Variants in CYTH1 observed in about 807,000 individuals in gnomAD.
CYTH1 encodes cytohesin 1, also known as cytohesin-1.
CYTH1 carries 18 observed loss-of-function variants against 61.8 expected under a neutral mutation model. That is an observed-to-expected ratio of 0.29 (90% CI 0.20 to 0.43). The LOEUF (loss-of-function observed/expected upper bound fraction) is 0.43, where lower values mean the gene tolerates loss of function less well. CYTH1 is among the 20% of genes least tolerant of loss of function. The pLI is 1.00. For synonymous variants in CYTH1, 174 were observed against 184.3 expected (o/e 0.94, Z 0.45); for missense variants, 336 against 510.5 (o/e 0.66, Z 3.29).
Position 78,677,172 on chromosome 17 carries a change from C to A in CYTH1, c.1119-1003G>T, listed in dbSNP as rs1318810472. On this transcript the variant is annotated intron_variant, in intron 13 of 13. Transcript: ENST00000446868. ...ATCTCACTGGGAAGCGGTCTGACCA[C>A]CTGAAGTGCTTTCACGAGGGAATCT... 3 of 423,926 alleles carry A rather than the reference C, an allele frequency of 7.1e-6. No individual in the cohort carries two copies. The Admixed American group carries it at 7.9e-5, about 11-fold the overall frequency. The allele number at this position is 423,926 out of a possible 1,614,324, so 26.3% of individuals were successfully genotyped here.
At chr17:78,720,099 G>C (rs1054677420) in intron 1 of CYTH1, among the ~76,000 whole-genome samples, 1 of 152,070 alleles carries the variant, frequency 6.6e-6, no homozygotes, top group Non-Finnish European at 1.5e-5. Context: ...CTGGGGAGAG[G>C]GGGAGTGGGA....
At chr17:78,772,643 T>C (rs2093476077) in intron 1 of CYTH1, among the ~76,000 whole-genome samples, 1 of 151,556 alleles carries the variant, frequency 6.6e-6, no homozygotes, top group Non-Finnish European at 1.5e-5. Context: ...GTTCAAGCAA[T>C]TCTCCTGCCT....
intron 1 of CYTH1, among the ~76,000 whole-genome samples, chr17:78,738,730 C>G (rs1485707265): frequency 6.6e-6 from 1 of 152,156 alleles, no homozygotes; most frequent in Non-Finnish European, 1.5e-5. Context: ...CCAGCCTGCA[C>G]CATTTCAAAA....
Position 78,708,238 on chromosome 17 carries a change from T to C in CYTH1, c.129A>G (p.Glu43=). 1 of 1,613,556 alleles carries C rather than the reference T, an allele frequency of 6.2e-7. No homozygotes were observed. The highest frequency in any genetic ancestry group is 8.5e-7 in the Non-Finnish European group (1 of 1,179,890). ...CCAGGTTTTCAATTTCATTAGCTAC[T>C]TCTGCTATCTCATCCTTCAGCCTCT... The part of the protein sequence containing the change: ...DIQRLKDEIA[E]VANEIENLGS... The change falls in exon 3 of 14, where the codon GAA becomes GAG. Residue 43 remains glutamate (E), a synonymous_variant. Transcript: ENST00000446868.
At chr17:78,679,175 C>T (rs993471587) in intron 13 of CYTH1, among the ~76,000 whole-genome samples, 4 of 152,202 alleles carry the variant, frequency 2.6e-5, no homozygotes, top group Admixed American at 1.3e-4. Context: ...GGAGAAAGCC[C>T]GTCACACAGT....
At chr17:78,682,234 T>G (rs1227448246) in intron 11 of CYTH1, among the ~76,000 whole-genome samples, 1 of 152,162 alleles carries the variant, frequency 6.6e-6, no homozygotes, top group East Asian at 1.9e-4. Context: ...GAACCAAAAT[T>G]ATGGAGGGTG....
At position 78,782,186 on chromosome 17, in the gene CYTH1, G is replaced by T. The variant is rs369997350; in HGVS notation, c.22+16C>A. On this transcript the variant is annotated intron_variant, in intron 1 of 13. Transcript: ENST00000446868. ...GGACAGCGAGGGGGAAGCGTCCGCC[G>T]CCGGGGCGCACTGACCGTAGCTGTC... 9.5e-6 allele frequency: 13 copies of T among 1,362,522 alleles called. No homozygotes were observed. The African/African-American group carries it at 1.8e-4, about 19-fold the overall frequency. The allele number at this position is 1,362,522 out of a possible 1,614,324, so 84.4% of individuals were successfully genotyped here. A position where few individuals can be genotyped will look rare whatever the true frequency, so the allele number is the denominator to read the frequency against.
At chr17:78,684,513 T>A (rs945846956) in intron 11 of CYTH1, among the ~76,000 whole-genome samples, 6 of 152,242 alleles carry the variant, frequency 3.9e-5, no homozygotes, top group Non-Finnish European at 7.3e-5. Context: ...GGCCAACGTC[T>A]TTGGCTTTTT....
intron 11 of CYTH1, among the ~76,000 whole-genome samples, chr17:78,689,123 G>A (rs1460745326): frequency 6.6e-6 from 1 of 152,162 alleles, no homozygotes; most frequent in African/African-American, 2.4e-5. Flanking sequence ...TGCACGGACT[G>A]AAATAAGTGT....
chr17:78,779,143 G>A (rs1478694701), intron 1 of CYTH1, among the ~76,000 whole-genome samples: 1 of 152,188 alleles, frequency 6.6e-6, no homozygotes, highest in African/African-American at 2.4e-5. Context: ...GTTCATGCCT[G>A]TAATCCCAGC....
intron 11 of CYTH1, 90 bp from the exon 12 acceptor site, chr17:78,681,132 C>T: frequency 5.4e-6 from 7 of 1,294,710 alleles, no homozygotes; most frequent in Non-Finnish European, 7.7e-6. Flanking sequence ...CCGAACTTTC[C>T]TGCTTTCTCC....
At chr17:78,737,974 A>G (rs1027370534) in intron 1 of CYTH1, among the ~76,000 whole-genome samples, 2 of 152,048 alleles carry the variant, frequency 1.3e-5, no homozygotes, top group Admixed American at 6.6e-5. Context: ...ATGGACATCT[A>G]TCACATTTAT....
chr17:78,764,036 G>A (rs941981685), intron 1 of CYTH1, among the ~76,000 whole-genome samples: 2 of 151,730 alleles, frequency 1.3e-5, no homozygotes, highest in African/African-American at 2.4e-5. Context: ...GCTTGAACCC[G>A]GGAGGCAGAG....
chr17:78,680,396 G>A (rs371372394), intron 12 of CYTH1, 52 bp from the exon 13 acceptor site: 93 of 1,546,170 alleles, frequency 6.0e-5, no homozygotes, highest in Non-Finnish European at 7.4e-5. Flanking sequence ...GCTGTTAACT[G>A]AGAAACATGC....
intron 11 of CYTH1, among the ~76,000 whole-genome samples, chr17:78,688,060 A>C (rs2092835050): frequency 6.6e-6 from 1 of 152,174 alleles, no homozygotes; most frequent in Non-Finnish European, 1.5e-5. Context: ...ATCCTGCATA[A>C]ATGTTGTTAA....
chr17:78,675,539 C>T lies in CYTH1; in HGVS notation c.*552G>A, dbSNP rs1223388370. Reference sequence around the variant, plus strand: ...CCCTGCCGCGGGCCCAGGCTGATGCCCCTTGGCCGCAGCCCCAGGTGCTCT... The same window carrying T: ...CCCTGCCGCGGGCCCAGGCTGATGCTCCTTGGCCGCAGCCCCAGGTGCTCT... On this transcript the variant is annotated 3_prime_UTR_variant, in exon 14 of 14. Coordinates refer to ENST00000446868, the MANE Select transcript of CYTH1 (RefSeq NM_004762.6). 6.1e-6 allele frequency: 1 copy of T among 164,468 alleles called. No individual in the cohort carries two copies. The highest frequency in any genetic ancestry group is 1.7e-4 in the East Asian group (1 of 5,940). 10.2% of individuals were successfully genotyped at this position (164,468 alleles called of 1,614,324 possible). A position where few individuals can be genotyped will look rare whatever the true frequency, so the allele number is the denominator to read the frequency against.
At chr17:78,731,755 C>CAAAAAAAAAAAA (rs376349109) in intron 1 of CYTH1, among the ~76,000 whole-genome samples, 6 of 73,654 alleles carry the variant, frequency 8.1e-5, no homozygotes, top group African/African-American at 1.8e-4. Flanking sequence ...GACTCCGTCT[C>CAAAAAAAAAAAA]AAAAAAAAAA....
At chr17:78,771,223 T>C (rs886329963) in intron 1 of CYTH1, among the ~76,000 whole-genome samples, 15 of 151,962 alleles carry the variant, frequency 9.9e-5, no homozygotes, top group Non-Finnish European at 1.6e-4. Flanking sequence ...GATTATGCCA[T>C]TGCATGCCAG....
intron 1 of CYTH1, among the ~76,000 whole-genome samples, chr17:78,725,844 A>G (rs1285428369): frequency 6.6e-6 from 1 of 152,202 alleles, no homozygotes; most frequent in African/African-American, 2.4e-5. Context: ...AAAAGCTGCA[A>G]CCAAGAAGTC....
Sources: gnomAD v4.1 joint callset for allele counts (sites outside exome capture counted in the v4.1 genomes callset) on GRCh38, gnomAD v4.1.1 for gene constraint, MANE v1.5 for transcripts, NCBI Gene and HGNC (gene_info 2026-07-23, HGNC 2026-07-21) for gene names.